LUC7L2: variants seen among roughly 807,000 people sequenced by gnomAD.
LUC7L2 encodes the protein LUC7 like 2, pre-mRNA splicing factor, also known as putative RNA-binding protein Luc7-like 2.
A neutral mutation model predicts 52.8 loss-of-function variants in LUC7L2; 25 were observed. The observed-to-expected ratio is 0.47, with a 90% CI of 0.34 to 0.66. The LOEUF (loss-of-function observed/expected upper bound fraction) is 0.66. Among genes scored for constraint, LUC7L2 ranks in the 30% least tolerant of loss-of-function variants. The pLI is 0.01. For missense variants in LUC7L2, 328 were observed against 497.8 expected (o/e 0.66, Z 3.25); for synonymous variants, 144 against 160.9 (o/e 0.89, Z 0.80).
chr7:139,409,890 A>G (rs879858172), intron 7 of LUC7L2, among the ~76,000 whole-genome samples: 9 of 152,204 alleles, frequency 5.9e-5, no homozygotes, highest in Non-Finnish European at 1.3e-4. Flanking sequence ...GTGAATAAAG[A>G]ATGCTTCGTA....
intron 2 of LUC7L2, among the ~76,000 whole-genome samples, chr7:139,386,404 A>AATTTT (rs1794193520): frequency 7.6e-6 from 1 of 131,512 alleles, no homozygotes; most frequent in African/African-American, 3.1e-5. Context: ...GTCACTGGAA[A>AATTTT]TTTTTTTTTT....
intron 1 of LUC7L2, chr7:139,374,982 G>A (rs1800633257): frequency 4.1e-6 from 4 of 985,726 alleles, no homozygotes; most frequent in Non-Finnish European, 4.8e-6. Flanking sequence ...TATCTCTTTT[G>A]GCACCAATAG....
In LUC7L2 at chr7:139,422,958, CT is replaced by C; in HGVS notation, c.*624del. 2.5e-6 allele frequency: 1 copy of C among 398,262 alleles called. No individual in the cohort carries two copies. Among genetic ancestry groups the C allele is most frequent in the Non-Finnish European group, 4.4e-6 (1 of 225,942 alleles). 24.7% of individuals were successfully genotyped at this position (398,262 alleles called of 1,614,324 possible). A position where few individuals can be genotyped will look rare whatever the true frequency, so the allele number is the denominator to read the frequency against. On this transcript the variant is annotated 3_prime_UTR_variant, in exon 10 of 10. Coordinates refer to ENST00000354926, the MANE Select transcript of LUC7L2 (RefSeq NM_016019.5). ...ACAGCTGTTGCATTACATACTTTTG[CT>C]TTTTTATTGAAATTTTGAAATCAAA...
rs115039109 is a variant in LUC7L2 at position 139,376,687 on chromosome 7, C to T, written c.156+531C>T. ...TGCAGAGATGTTGATCTTAGAGTAT[C>T]ATCGTTTTAATTTGGAAGATAAACT... On this transcript the variant is annotated intron_variant, in intron 2 of 9. Coordinates refer to ENST00000354926, the MANE Select transcript of LUC7L2 (RefSeq NM_016019.5). 5.6e-3 allele frequency among the ~76,000 whole-genome samples: 859 copies of T among 152,228 alleles called. 11 individuals carry two copies. The highest frequency in any genetic ancestry group is 0.02 in the African/African-American group (817 of 41,532).
At chr7:139,397,732 A>G (rs1456459888) in intron 2 of LUC7L2, among the ~76,000 whole-genome samples, 2 of 152,238 alleles carry the variant, frequency 1.3e-5, no homozygotes, top group East Asian at 1.9e-4. Flanking sequence ...GCCTAGATAC[A>G]TATAAAAATG....
intron 8 of LUC7L2, chr7:139,416,041 A>T (rs1795586763): frequency 7.2e-4 from 1 of 1,388 alleles, no homozygotes; most frequent in Non-Finnish European, 1.3e-3. Context: ...GAGGTATAAA[A>T]TATATATATA....
chr7:139,340,533 C>T (rs989022209), intron 1 of LUC7L2: 2 of 398,366 alleles, frequency 5.0e-6, no homozygotes, highest in Admixed American at 4.4e-5. Flanking sequence ...GCCTTTGGCG[C>T]GGTGATGTGG....
intron 4 of LUC7L2, among the ~76,000 whole-genome samples, chr7:139,402,569 C>T (rs1314433931): frequency 6.6e-6 from 1 of 152,140 alleles, no homozygotes; most frequent in African/African-American, 2.4e-5. Flanking sequence ...CTGTGTTGCC[C>T]AGGCTGGAAT....
intron 2 of LUC7L2, among the ~76,000 whole-genome samples, chr7:139,383,827 G>A (rs1441684952): frequency 4.0e-5 from 6 of 150,048 alleles, no homozygotes; most frequent in Non-Finnish European, 5.9e-5. Context: ...TCCGCCTCCT[G>A]GGTTCAGGTG....
intron 5 of LUC7L2, 151 bp from the exon 6 acceptor site, chr7:139,407,023 G>A (rs1210672769): frequency 5.6e-5 from 2 of 35,502 alleles, no homozygotes; most frequent in Non-Finnish European, 4.6e-5. Flanking sequence ...TTTTTTTTTT[G>A]AGCTGGAGTC....
At chr7:139,341,522 G>A (rs1468210613) in intron 1 of LUC7L2, 2 of 1,611,452 alleles carry the variant, frequency 1.2e-6, no homozygotes, top group East Asian at 2.2e-5. Flanking sequence ...GTGCACATCG[G>A]GTACGGGAGC....
At chr7:139,379,289 C>T (rs1800865314) in intron 2 of LUC7L2, among the ~76,000 whole-genome samples, 1 of 151,990 alleles carries the variant, frequency 6.6e-6, no homozygotes, top group African/African-American at 2.4e-5. Context: ...GTTGCCTGAA[C>T]TCAGGATTTC....
chr7:139,386,383 TA>T, intron 2 of LUC7L2, among the ~76,000 whole-genome samples: 1 of 151,458 alleles, frequency 6.6e-6, no homozygotes, highest in African/African-American at 2.4e-5. Context: ...TCACTGGAAA[TA>T]TTTTTCTCTG....
chr7:139,345,672 C>T lies in LUC7L2; in HGVS notation c.-26+5155C>T, dbSNP rs776960107. On this transcript the variant is annotated intron_variant, in intron 1 of 10. Coordinates refer to the LUC7L2 transcript ENST00000541170. ...TGGCTTGGTGGGTCTCAAGTTGCCC[C>T]ATCAGCCTGGAGGGAAGGGCTGGGA... 1.9e-6 allele frequency: 3 copies of T among 1,614,168 alleles called. No homozygotes were observed. In the East Asian group the frequency reaches 6.7e-5, roughly 36 times the overall value.
At chr7:139,363,099 C>A in intron 1 of LUC7L2, 2 of 410,822 alleles carry the variant, frequency 4.9e-6, no homozygotes, top group Non-Finnish European at 6.6e-6. Context: ...GGGGGACTGC[C>A]AGGAGGTGGG....
chr7:139,361,062 A>T (rs1194911004), intron 1 of LUC7L2, among the ~76,000 whole-genome samples: 2 of 152,232 alleles, frequency 1.3e-5, no homozygotes, highest in Non-Finnish European at 2.9e-5. Flanking sequence ...ATAGAGGAGA[A>T]CAAAGATCCT....
chr7:139,388,313 C>A lies in LUC7L2; in HGVS notation c.157-10286C>A, dbSNP rs562044100. 3.6e-4 allele frequency among the ~76,000 whole-genome samples: 54 copies of A among 151,880 alleles called. 1 individual carries two copies. The highest frequency in any genetic ancestry group is 3.3e-3 in the Admixed American group (51 of 15,242). On this transcript the variant is annotated intron_variant, in intron 2 of 9. Coordinates refer to ENST00000354926, the MANE Select transcript of LUC7L2 (RefSeq NM_016019.5). ...ATTTCCTATGTTCTTAAGAAAATTA[C>A]AAAAAGGTAGAAAAATATCATGATT... is the stretch of plus-strand genomic sequence containing the variant.
intron 2 of LUC7L2, among the ~76,000 whole-genome samples, chr7:139,395,524 A>G (rs962377310): frequency 6.6e-6 from 1 of 152,212 alleles, no homozygotes; most frequent in African/African-American, 2.4e-5. Flanking sequence ...CTTTTATAAC[A>G]GTGATGAGTC....
chr7:139,402,330 T>C, intron 4 of LUC7L2, 83 bp downstream of exon 4: 1 of 1,301,402 alleles, frequency 7.7e-7, no homozygotes, highest in African/African-American at 1.5e-5. Flanking sequence ...TAATTAGATT[T>C]GCAAGAGATT....
Sources: allele counts gnomAD v4.1 joint callset (sites outside exome capture counted in the v4.1 genomes callset), GRCh38; gene constraint gnomAD v4.1.1; transcripts MANE v1.5; gene names NCBI Gene and HGNC (gene_info 2026-07-23, HGNC 2026-07-21).